GALR2: variants seen among roughly 807,000 people sequenced by gnomAD.
GALR2 encodes the protein galanin receptor 2.
In GALR2, 5 loss-of-function variants were observed where a neutral mutation model predicts 7.2. The ratio of observed to expected loss-of-function variants is 0.69; its 90% CI spans 0.36 to 1.45. GALR2 has a LOEUF of 1.45. GALR2 is among the 40% of genes most tolerant of loss of function. The pLI, the probability that GALR2 is intolerant of heterozygous loss-of-function variation, is 0.03. For missense variants in GALR2, 561 were observed against 555.7 expected (o/e 1.01, Z -0.10); for synonymous variants, 300 against 263.9 (o/e 1.14, Z -1.32).
In GALR2 at chr17:76,077,230, T is replaced by C. The variant is rs761421630; in HGVS notation, c.963T>C (p.Arg321=). The change falls in exon 2 of 2, where the codon CGT becomes CGC. Residue 321 remains arginine, a synonymous_variant. Transcript: ENST00000329003. ...GTGCCCCAGGCCGAGCCTCGGGCCGTGTGTGCGCTGCCGCGCGGGGCACCC... is the reference window on the plus strand; with the variant it reads ...GTGCCCCAGGCCGAGCCTCGGGCCGCGTGTGCGCTGCCGCGCGGGGCACCC... The part of the protein sequence containing the change: ...LGRAPGRASG[R]VCAAARGTHS... 3 of 1,606,440 alleles carry C rather than the reference T, an allele frequency of 1.9e-6. No individual in the cohort carries two copies. Among genetic ancestry groups the C allele is most frequent in the Non-Finnish European group, 1.7e-6 (2 of 1,177,420 alleles).
Position 76,077,119 on chromosome 17 carries a change from C to T in GALR2, c.852C>T (p.Asn284=), listed in dbSNP as rs1204925098. 1 of 1,612,946 alleles carries T rather than the reference C, an allele frequency of 6.2e-7. No individual in the cohort carries two copies. Among genetic ancestry groups the T allele is most frequent in the South Asian group, 1.1e-5 (1 of 91,082 alleles). ...TCTCGCACCTGGTCTCCTACGCCAA[C>T]TCCTGCGTCAACCCCATCGTTTACG... ...RILSHLVSYA[N]SCVNPIVYAL... Residue 284 remains asparagine (N), a synonymous_variant, in exon 2 of 2, where the codon AAC becomes AAT. Transcript: ENST00000329003.
chr17:76,072,545 C>T (rs2066865638), upstream of GALR2: 2 of 1,547,558 alleles, frequency 1.3e-6, no homozygotes, highest in African/African-American at 1.4e-5. The surrounding 1 kb of genome is among the most constrained non-coding windows in gnomAD (Gnocchi z 4.5). Context: ...ACGACCTGGG[C>T]GGGTGAGAGC....
chr17:76,072,657 T>G (rs1240673931), upstream of GALR2: 10 of 1,340,194 alleles, frequency 7.5e-6, no homozygotes, highest in African/African-American at 1.6e-5. This position sits in a 1 kb window ranked among gnomAD's most constrained non-coding sequence, Gnocchi z 4.5. Flanking sequence ...GCGCGAGGGA[T>G]CCTGTCATCC....
rs986743248 is a variant in GALR2 at position 76,075,381 on chromosome 17, G to A, written c.368+130G>A. 3.0e-6 allele frequency: 3 copies of A among 993,550 alleles called. No individual in the cohort carries two copies. The highest frequency in any genetic ancestry group is 3.2e-5 in the South Asian group (2 of 61,570). The allele number at this position is 993,550 out of a possible 1,614,324, so 61.5% of individuals were successfully genotyped here. On this transcript the variant is annotated intron_variant, in intron 1 of 1. Transcript: ENST00000329003. This position sits in a 1 kb window ranked among gnomAD's most constrained non-coding sequence, Gnocchi z 5.9. ...ACTAAGAAGGCAGTGGAAGACAAGC[G>A]GGCGCGGAGGAGGAAAAAGAGGAAT... is the stretch of plus-strand genomic sequence containing the variant.
chr17:76,073,627 G>A (rs370177048), upstream of GALR2, among the ~76,000 whole-genome samples: 2 of 141,084 alleles, frequency 1.4e-5, no homozygotes, highest in African/African-American at 2.7e-5. Context: ...CAAGGTATAC[G>A]GAATAAGGTC....
chr17:76,072,703 G>C (rs2066866876), upstream of GALR2: 1 of 929,434 alleles, frequency 1.1e-6, no homozygotes, highest in Non-Finnish European at 1.5e-6. The surrounding 1 kb of genome is among the most constrained non-coding windows in gnomAD (Gnocchi z 4.5). Context: ...GTGGGGACTT[G>C]AGGCCGCAGT....
rs549044947 is a variant in GALR2, at chr17:76,075,707, C to G, written c.368+456C>G. ...CAACTTCAGGCGCCTCCACTGCGCT[C>G]GCCTCCAAGCCACGGTTTGGTTGGT... On this transcript the variant is annotated intron_variant, in intron 1 of 1. Coordinates refer to ENST00000329003, the MANE Select transcript of GALR2 (RefSeq NM_003857.4). This position sits in a 1 kb window ranked among gnomAD's most constrained non-coding sequence, Gnocchi z 5.9. Among the ~76,000 whole-genome samples the G allele has an allele frequency of 1.3e-5, 2 of 152,136 alleles. No individual in the cohort carries two copies. Among genetic ancestry groups the G allele is most frequent in the African/African-American group, 2.4e-5 (1 of 41,432 alleles).
chr17:76,076,630 C>G lies in GALR2; in HGVS notation c.369-6C>G. ...GCCGACGTCTCCCTTCCCGGTCTGA[C>G]CGCAGGTATCTGGCCATCCGCTACC... is the stretch of plus-strand genomic sequence containing the variant. On this transcript the variant is annotated splice_region_variant and splice_polypyrimidine_tract_variant and intron_variant, in intron 1 of 1. Coordinates refer to ENST00000329003, the MANE Select transcript of GALR2 (RefSeq NM_003857.4). The surrounding 1 kb of genome is among the most constrained non-coding windows in gnomAD (Gnocchi z 6.5). 6.4e-7 allele frequency: 1 copy of G among 1,566,134 alleles called. No individual in the cohort carries two copies. The highest frequency in any genetic ancestry group is 8.6e-7 in the Non-Finnish European group (1 of 1,159,472).
chr17:76,075,213 C>G lies in GALR2; in HGVS notation c.330C>G (p.His110Gln), dbSNP rs141784016. ...ACTTCCTCATCTTCCTCACCATGCA[C>G]GCCAGCAGCTTCACGCTGGCCGCCG... is the stretch of plus-strand genomic sequence containing the variant. The part of the protein sequence containing the change: ...AVHFLIFLTM[H>Q]ASSFTLAAVS... The change falls in exon 1 of 2, where the codon CAC becomes CAG. Residue 110 changes from histidine to glutamine, a missense_variant. His to Gln is a conservative substitution (Grantham distance 24, BLOSUM62 0). Coordinates refer to ENST00000329003, the MANE Select transcript of GALR2 (RefSeq NM_003857.4). The surrounding 1 kb of genome is among the most constrained non-coding windows in gnomAD (Gnocchi z 5.9). 4.6e-4 allele frequency: 741 copies of G among 1,607,994 alleles called. 2 individuals carry two copies. The highest frequency in any genetic ancestry group is 5.6e-4 in the Non-Finnish European group (655 of 1,179,866).
rs758085909 is a variant in GALR2 at position 76,077,065 on chromosome 17, C to G, written c.798C>G (p.Leu266=). 1 of 1,613,058 alleles carries G rather than the reference C, an allele frequency of 6.2e-7. No homozygotes were observed. The highest frequency in any genetic ancestry group is 1.7e-5 in the Admixed American group (1 of 60,030). The change falls in exon 2 of 2, where the codon CTC becomes CTG. Residue 266 remains leucine (L), a synonymous_variant. Coordinates refer to ENST00000329003, the MANE Select transcript of GALR2 (RefSeq NM_003857.4). Reference sequence around the variant, plus strand: ...GCGTGTGGTTCGGCCAGTTCCCGCTCACGCGCGCCACTTATGCGCTTCGCA... The same window carrying G: ...GCGTGTGGTTCGGCCAGTTCCCGCTGACGCGCGCCACTTATGCGCTTCGCA... ...ILCVWFGQFP[L]TRATYALRIL... is the part of the protein sequence containing the mutation.
rs2066887664 is a variant in GALR2 at position 76,076,207 on chromosome 17, C to T, written c.369-429C>T. 6.6e-6 allele frequency among the ~76,000 whole-genome samples: 1 copy of T among 152,242 alleles called. No homozygotes were observed. The highest frequency in any genetic ancestry group is 2.1e-4 in the South Asian group (1 of 4,836). ...CTGTCCCTTGCCCAACATGTCTTCT[C>T]CAGGCTGTCTGCTAGAGCCTCAGGC... On this transcript the variant is annotated intron_variant, in intron 1 of 1. Coordinates refer to ENST00000329003, the MANE Select transcript of GALR2 (RefSeq NM_003857.4). This position sits in a 1 kb window ranked among gnomAD's most constrained non-coding sequence, Gnocchi z 6.5.
Position 76,076,937 on chromosome 17 carries a change from G to A in GALR2, c.670G>A (p.Gly224Ser). The A allele has an allele frequency of 1.9e-6, 3 of 1,602,140 alleles. No homozygotes were observed. Among genetic ancestry groups the A allele is most frequent in the Non-Finnish European group, 2.5e-6 (3 of 1,178,484 alleles). The change falls in exon 2 of 2, where the codon GGC becomes AGC. Residue 224 changes from glycine (G) to serine (S), a missense_variant. Gly to Ser is a moderately conservative substitution (Grantham distance 56). Transcript: ENST00000329003. This position sits in a 1 kb window ranked among gnomAD's most constrained non-coding sequence, Gnocchi z 6.5. ...GCGCGCCGTCGACCCGGTGGCCGCG[G>A]GCTCGGGTGCCCGGCGCGCCAAGCG... ...LWRAVDPVAA[G>S]SGARRAKRKV...
upstream of GALR2, chr17:76,072,415 C>G (rs754741659): frequency 1.3e-6 from 2 of 1,584,922 alleles, no homozygotes; most frequent in African/African-American, 2.7e-5. The surrounding 1 kb of genome is among the most constrained non-coding windows in gnomAD (Gnocchi z 4.5). Context: ...ACCGCCGCTA[C>G]CGCCGCCGCC....
In GALR2 at chr17:76,075,339, G is replaced by A; in HGVS notation, c.368+88G>A. On this transcript the variant is annotated intron_variant, in intron 1 of 1. Transcript: ENST00000329003. This position sits in a 1 kb window ranked among gnomAD's most constrained non-coding sequence, Gnocchi z 5.9. ...GGGACTGGGGACCAAGAAGGGACGC[G>A]CAGAGTGGGACAGGACACTAAGAAG... 10 of 1,392,562 alleles carry A rather than the reference G, an allele frequency of 7.2e-6. 1 individual carries two copies. In the South Asian group the frequency reaches 7.8e-5, roughly 11 times the overall value. 86.3% of individuals were successfully genotyped at this position (1,392,562 alleles called of 1,614,324 possible).
upstream of GALR2, among the ~76,000 whole-genome samples, chr17:76,074,541 T>A (rs1356430531): frequency 6.6e-6 from 1 of 152,150 alleles, no homozygotes; most frequent in African/African-American, 2.4e-5. This position sits in a 1 kb window ranked among gnomAD's most constrained non-coding sequence, Gnocchi z 6.7. Flanking sequence ...GGGAAGTCAG[T>A]CCGCCTGGTC....
In GALR2 at chr17:76,075,097, C is replaced by T. The variant is rs780149236; in HGVS notation, c.214C>T (p.Leu72=). ...CATCCTTAACCTGGGCGTGGCCGAC[C>T]TGTGTTTCATCCTGTGCTGCGTGCC... ...LFILNLGVAD[L]CFILCCVPFQ... Residue 72 remains leucine (L), a synonymous_variant, in exon 1 of 2, where the codon CTG becomes TTG. Transcript: ENST00000329003. The surrounding 1 kb of genome is among the most constrained non-coding windows in gnomAD (Gnocchi z 5.9). The T allele has an allele frequency of 6.2e-7, 1 of 1,612,174 alleles. No individual in the cohort carries two copies. The highest frequency in any genetic ancestry group is 1.1e-5 in the South Asian group (1 of 91,016).
rs1038551206 is a variant in GALR2, at chr17:76,074,855, G to C, written c.-29G>C. 8.2e-6 allele frequency: 12 copies of C among 1,469,740 alleles called. No individual in the cohort carries two copies. Among genetic ancestry groups the C allele is most frequent in the Admixed American group, 7.0e-5 (3 of 43,084 alleles). 91.0% of individuals were successfully genotyped at this position (1,469,740 alleles called of 1,614,324 possible). On this transcript the variant is annotated 5_prime_UTR_variant, in exon 1 of 2. Transcript: ENST00000329003. This position sits in a 1 kb window ranked among gnomAD's most constrained non-coding sequence, Gnocchi z 6.7. ...CGCGGAGACCCAGACGGCTGCAGGAGCCCGGGCAGCCTCGGGGTCAGCGGC... is the reference window on the plus strand; with the variant it reads ...CGCGGAGACCCAGACGGCTGCAGGACCCCGGGCAGCCTCGGGGTCAGCGGC...
chr17:76,073,961 C>T (rs2066874427), upstream of GALR2, among the ~76,000 whole-genome samples: 2 of 152,022 alleles, frequency 1.3e-5, no homozygotes, highest in South Asian at 2.1e-4. Flanking sequence ...GCTTGGCCAA[C>T]ATGGTGAAAC....
chr17:76,072,563 G>A, upstream of GALR2: 12 of 1,516,220 alleles, frequency 7.9e-6, no homozygotes, highest in Non-Finnish European at 1.0e-5. This position sits in a 1 kb window ranked among gnomAD's most constrained non-coding sequence, Gnocchi z 4.5. Context: ...AGCTGGACCT[G>A]CCTGGCCGGG....
Sources: gnomAD v4.1 joint callset for allele counts (sites outside exome capture counted in the v4.1 genomes callset) on GRCh38, gnomAD v4.1.1 for gene constraint, Gnocchi (gnomAD v3.1) non-coding constraint, MANE v1.5 for transcripts, NCBI Gene and HGNC (gene_info 2026-07-23, HGNC 2026-07-21) for gene names.